The following ENTREP2 variants were observed in gnomAD, a reference collection of about 807,000 sequenced individuals.
ENTREP2 encodes the protein endosomal transmembrane epsin interactor 2.
At chr15:29,362,650 C>G in the ENTREP2 span, among the ~76,000 whole-genome samples, 1 of 152,100 alleles carries the variant, frequency 6.6e-6, no homozygotes, top group African/African-American at 2.4e-5. Context: ...GCTAGGATTA[C>G]AGGCATGAGC....
the ENTREP2 span, among the ~76,000 whole-genome samples, chr15:29,202,791 T>G: frequency 1.3e-5 from 2 of 152,302 alleles, no homozygotes; most frequent in South Asian, 2.1e-4. Context: ...CAGCTTCATC[T>G]ACATCCCTGC....
chr15:29,454,084 G>C, the ENTREP2 span, among the ~76,000 whole-genome samples: 2 of 152,126 alleles, frequency 1.3e-5, no homozygotes, highest in Admixed American at 1.3e-4. Flanking sequence ...TGGAGTATGA[G>C]AGTATTCATC....
chr15:29,205,568 T>C, the ENTREP2 span, among the ~76,000 whole-genome samples: 1 of 152,184 alleles, frequency 6.6e-6, no homozygotes, highest in African/African-American at 2.4e-5. Flanking sequence ...TCCCTAACCA[T>C]TAGTGATGTT....
the ENTREP2 span, among the ~76,000 whole-genome samples, chr15:29,616,004 G>A: frequency 3.1e-4 from 47 of 152,252 alleles, no homozygotes; most frequent in African/African-American, 1.1e-3. Flanking sequence ...CCCCCACCCC[G>A]GTTCACAGAG....
chr15:29,253,502 G>T, the ENTREP2 span, among the ~76,000 whole-genome samples: 1 of 150,544 alleles, frequency 6.6e-6, no homozygotes, highest in Non-Finnish European at 1.5e-5. Context: ...GAGTGCAGTG[G>T]CACAATCTCG....
the ENTREP2 span, among the ~76,000 whole-genome samples, chr15:29,539,534 C>T: frequency 2.0e-5 from 3 of 152,096 alleles, no homozygotes; most frequent in Non-Finnish European, 4.4e-5. Context: ...CCACTCAACC[C>T]TGGCTGTACT....
At chr15:29,132,767 G>C in the ENTREP2 span, among the ~76,000 whole-genome samples, 4 of 152,210 alleles carry the variant, frequency 2.6e-5, no homozygotes, top group Non-Finnish European at 4.4e-5. Context: ...GCACACCCAG[G>C]TCCAGAAGCT....
At chr15:29,334,846 G>A in the ENTREP2 span, among the ~76,000 whole-genome samples, 3 of 152,212 alleles carry the variant, frequency 2.0e-5, no homozygotes, top group Non-Finnish European at 4.4e-5. Flanking sequence ...TATCACTCAC[G>A]TGGTGAGGAA....
the ENTREP2 span, among the ~76,000 whole-genome samples, chr15:29,470,147 CAT>C: frequency 6.6e-6 from 1 of 152,238 alleles, no homozygotes; most frequent in Non-Finnish European, 1.5e-5. Flanking sequence ...CCTTCACACA[CAT>C]ACCACAGACA....
the ENTREP2 span, among the ~76,000 whole-genome samples, chr15:29,449,320 A>T: frequency 6.6e-6 from 1 of 152,168 alleles, no homozygotes. Context: ...CCATGAAACG[A>T]TGTGTTTGAG....
At chr15:29,175,052 T>C in the ENTREP2 span, among the ~76,000 whole-genome samples, 2 of 152,298 alleles carry the variant, frequency 1.3e-5, no homozygotes, top group East Asian at 3.9e-4. Context: ...CTCAGCTTGT[T>C]CTGAGCATTC....
the ENTREP2 span, among the ~76,000 whole-genome samples, chr15:29,636,549 T>C: frequency 6.6e-6 from 1 of 152,200 alleles, no homozygotes; most frequent in East Asian, 1.9e-4. Flanking sequence ...AGTTGTCTGC[T>C]ACACAGCAAT....
chr15:29,649,459 AC>A, the ENTREP2 span, among the ~76,000 whole-genome samples: 5 of 152,134 alleles, frequency 3.3e-5, no homozygotes, highest in Non-Finnish European at 7.4e-5. Flanking sequence ...GATGGCTCAC[AC>A]CCATAATCTC....
the ENTREP2 span, among the ~76,000 whole-genome samples, chr15:29,443,241 G>A: frequency 6.6e-6 from 1 of 152,288 alleles, no homozygotes; most frequent in South Asian, 2.1e-4. Flanking sequence ...AAGCCAAAAG[G>A]AGGGGCCCTA....
At chr15:29,241,864 C>T in the ENTREP2 span, among the ~76,000 whole-genome samples, 2 of 152,012 alleles carry the variant, frequency 1.3e-5, no homozygotes, top group African/African-American at 2.4e-5. Context: ...GAGACCCCCC[C>T]CCACCACCAC....
the ENTREP2 span, among the ~76,000 whole-genome samples, chr15:29,657,709 A>C: frequency 2.6e-5 from 4 of 152,108 alleles, no homozygotes; most frequent in Non-Finnish European, 4.4e-5. Flanking sequence ...TGTGAGACAG[A>C]AAAGTTCCTG....
the ENTREP2 span, among the ~76,000 whole-genome samples, chr15:29,318,407 G>A: frequency 4.6e-5 from 7 of 151,890 alleles, no homozygotes; most frequent in African/African-American, 1.7e-4. Flanking sequence ...TGCAAGCTCC[G>A]CCTCCTGGGT....
the ENTREP2 span, among the ~76,000 whole-genome samples, chr15:29,546,904 CA>C: frequency 7.8e-4 from 30 of 38,520 alleles, no homozygotes; most frequent in Middle Eastern, 0.019. Context: ...AAAACAACAA[CA>C]AAAAAAAAAA....
At chr15:29,587,783 C>T in the ENTREP2 span, among the ~76,000 whole-genome samples, 4 of 152,046 alleles carry the variant, frequency 2.6e-5, no homozygotes, top group African/African-American at 4.8e-5. Context: ...CTCAGTCTCC[C>T]GAGTAGCTGG....
Sources: allele counts gnomAD v4.1 joint callset (sites outside exome capture counted in the v4.1 genomes callset), GRCh38; gene constraint gnomAD v4.1.1; transcripts MANE v1.5; gene names NCBI Gene and HGNC (gene_info 2026-07-23, HGNC 2026-07-21).